The following SULT2A1 variants were observed in gnomAD, a reference collection of about 807,000 sequenced individuals.
SULT2A1 encodes sulfotransferase family 2A member 1, also known as sulfotransferase 2A1.
In SULT2A1, 43 loss-of-function variants were observed where a neutral mutation model predicts 33.9. The ratio of observed to expected loss-of-function variants is 1.27; its 90% CI spans 1.00 to 1.64. The LOEUF (loss-of-function observed/expected upper bound fraction) is 1.64, where lower values mean the gene tolerates loss of function less well. Among genes scored for constraint, SULT2A1 ranks in the 40% most tolerant of loss-of-function variants. SULT2A1 has a pLI of 0.00. For synonymous variants in SULT2A1, 125 were observed against 113.6 expected, an observed-to-expected ratio of 1.10 and a Z score of -0.64; for missense variants, 300 against 335.1, an observed-to-expected ratio of 0.90 and a Z score of 0.82.
Position 47,871,426 on chromosome 19 carries a change from T to G in SULT2A1, c.*29A>C, listed in dbSNP as rs779450275. 1 of 1,509,858 alleles carries G rather than the reference T, an allele frequency of 6.6e-7. No individual in the cohort carries two copies. Among genetic ancestry groups the G allele is most frequent in the Non-Finnish European group, 9.2e-7 (1 of 1,085,182 alleles). 93.5% of individuals were successfully genotyped at this position (1,509,858 alleles called of 1,614,324 possible). On this transcript the variant is annotated 3_prime_UTR_variant, in exon 6 of 6. Coordinates refer to ENST00000222002, the MANE Select transcript of SULT2A1 (RefSeq NM_003167.4). ...AAGGACAGGAGAATCAATGTCATTCTCCATATAAGATCCAGAGTGTTTTGG... is the reference window on the plus strand; with the variant it reads ...AAGGACAGGAGAATCAATGTCATTCGCCATATAAGATCCAGAGTGTTTTGG...
chr19:47,884,862 G>T (rs1253560169), intron 1 of SULT2A1, among the ~76,000 whole-genome samples: 1 of 139,890 alleles, frequency 7.1e-6, no homozygotes, highest in East Asian at 2.1e-4. Flanking sequence ...ACCCAGGCTG[G>T]AGTGCAGTGG....
chr19:47,871,236 C>G lies in SULT2A1; in HGVS notation c.*219G>C. 1 of 493,030 alleles carries G rather than the reference C, an allele frequency of 2.0e-6. No homozygotes were observed. The highest frequency in any genetic ancestry group is 3.1e-5 in the South Asian group (1 of 31,794). 30.5% of individuals were successfully genotyped at this position (493,030 alleles called of 1,614,324 possible). ...CAGTCTCCTGACCTCGTGATCCGCC[C>G]GTCTCGGCCTCCCATAGTGCTGGGA... On this transcript the variant is annotated 3_prime_UTR_variant, in exon 6 of 6. Transcript: ENST00000222002.
At chr19:47,872,105 A>AT (rs1422759333) in intron 5 of SULT2A1, among the ~76,000 whole-genome samples, 3 of 152,000 alleles carry the variant, frequency 2.0e-5, no homozygotes, top group African/African-American at 7.2e-5. Context: ...TTTAGTAGAG[A>AT]TGGGGTTTTG....
chr19:47,872,002 C>T (rs1968497302), intron 5 of SULT2A1, among the ~76,000 whole-genome samples: 1 of 151,992 alleles, frequency 6.6e-6, no homozygotes, highest in South Asian at 2.1e-4. Flanking sequence ...ACTGCAACCT[C>T]TGCCTCCCGA....
At chr19:47,877,984 C>T (rs571377454) in intron 4 of SULT2A1, among the ~76,000 whole-genome samples, 2 of 152,156 alleles carry the variant, frequency 1.3e-5, no homozygotes, top group Non-Finnish European at 2.9e-5. Flanking sequence ...CTGTTCATAC[C>T]AGCCAAGCTG....
In SULT2A1 at chr19:47,886,197, C is replaced by T. The variant is rs181193745; in HGVS notation, c.61G>A (p.Glu21Lys). The T allele has an allele frequency of 2.7e-5, 43 of 1,614,108 alleles. No homozygotes were observed. The highest frequency in any genetic ancestry group is 1.3e-4 in the Admixed American group (8 of 59,988). The stretch of plus-strand genomic sequence containing the variant: ...TCATCACGTACTTTTCTTAAGGTTT[C>T]GGATCTGAAACCCATAGTAGGGAAA... ...IAFPTMGFRS[E>K]TLRKVRDEFV... The change falls in exon 1 of 6, where the codon GAA (glutamate) becomes AAA (lysine). Residue 21 changes from glutamate to lysine, a missense_variant. By Grantham distance (56) the Glu-to-Lys change is moderately conservative (BLOSUM62 1). Coordinates refer to ENST00000222002, the MANE Select transcript of SULT2A1 (RefSeq NM_003167.4).
At position 47,883,748 on chromosome 19, in the gene SULT2A1, G is replaced by A; in HGVS notation, c.174C>T (p.His58=). ...NWLAEILCLM[H]SKGDAKWIQS... Reference sequence around the variant, plus strand: ...GGATCCACTTGGCATCCCCCTTGGAGTGCATCAGGCAGAGAATCTCAGCCA... The same window carrying A: ...GGATCCACTTGGCATCCCCCTTGGAATGCATCAGGCAGAGAATCTCAGCCA... Residue 58 remains histidine, a synonymous_variant, in exon 2 of 6, where the codon CAC becomes CAT. Transcript: ENST00000222002. 1 of 1,614,102 alleles carries A rather than the reference G, an allele frequency of 6.2e-7. No homozygotes were observed. The highest frequency in any genetic ancestry group is 1.1e-5 in the South Asian group (1 of 91,082).
chr19:47,873,337 T>C (rs1968510812), intron 5 of SULT2A1, among the ~76,000 whole-genome samples: 2 of 151,444 alleles, frequency 1.3e-5, no homozygotes, highest in Non-Finnish European at 2.9e-5. Flanking sequence ...ACTTGGCTAA[T>C]TTTTTGTATT....
At chr19:47,881,849 T>C (rs1217945529) in intron 3 of SULT2A1, among the ~76,000 whole-genome samples, 2 of 152,040 alleles carry the variant, frequency 1.3e-5, no homozygotes, top group South Asian at 2.1e-4. Context: ...TGTGCTAGTA[T>C]TGGAGGCTCT....
Position 47,886,310 on chromosome 19 carries a change from G to C in SULT2A1, c.-53C>G. 6.3e-7 allele frequency: 1 copy of C among 1,599,262 alleles called. No homozygotes were observed. The highest frequency in any genetic ancestry group is 8.5e-7 in the Non-Finnish European group (1 of 1,170,748). On this transcript the variant is annotated 5_prime_UTR_variant, in exon 1 of 6. Transcript: ENST00000222002. Reference sequence around the variant, plus strand: ...AGGGTTTCAACTGTAGCCACCGCTGGAGGCTGTGGCAGCTACAGGCAGATC... The same window carrying C: ...AGGGTTTCAACTGTAGCCACCGCTGCAGGCTGTGGCAGCTACAGGCAGATC...
Position 47,874,719 on chromosome 19 carries a change from A to G in SULT2A1, c.683T>C (p.Met228Thr), listed in dbSNP as rs772686936. 6.2e-7 allele frequency: 1 copy of G among 1,614,056 alleles called. No individual in the cohort carries two copies. Among genetic ancestry groups the G allele is most frequent in the Admixed American group, 1.7e-5 (1 of 59,988 alleles). Residue 228 changes from methionine (M) to threonine (T), a missense_variant, in exon 5 of 6, where the codon ATG (methionine) becomes ACG (threonine). Coordinates refer to ENST00000222002, the MANE Select transcript of SULT2A1 (RefSeq NM_003167.4). ...AACACTCAGGAGGGAATAATTGGAC[A>G]TCTTGTTTTCTTTCATGCTCTGAAA... ...SSFQSMKENK[M>T]SNYSLLSVDY... is the part of the protein sequence containing the mutation.
At chr19:47,872,389 CT>C (rs1968501327) in intron 5 of SULT2A1, among the ~76,000 whole-genome samples, 1 of 152,270 alleles carries the variant, frequency 6.6e-6, no homozygotes, top group Non-Finnish European at 1.5e-5. Context: ...CCTGTGGCTT[CT>C]CTGAGCTCAT....
intron 2 of SULT2A1, 91 bp downstream of exon 2, chr19:47,883,486 A>G: frequency 1.6e-6 from 2 of 1,272,052 alleles, no homozygotes; most frequent in South Asian, 2.6e-5. Flanking sequence ...GTTGAAGGAG[A>G]ATGCATTTCA....
chr19:47,883,561 A>T lies in SULT2A1; in HGVS notation c.345+16T>A. 1 of 1,612,490 alleles carries T rather than the reference A, an allele frequency of 6.2e-7. No individual in the cohort carries two copies. Among genetic ancestry groups the T allele is most frequent in the South Asian group, 1.1e-5 (1 of 91,026 alleles). On this transcript the variant is annotated intron_variant, in intron 2 of 5. Transcript: ENST00000222002. ...AAAGGCACTGATCAAACACGTCTTA[A>T]CCATTATGCACTGACCTTGGCCTTG... is the stretch of plus-strand genomic sequence containing the variant.
rs11083903 is a variant in SULT2A1, at chr19:47,870,946, C to T, written c.*509G>A. 516 of 147,438 alleles carry T rather than the reference C, an allele frequency of 3.5e-3. 24 individuals carry two copies. The East Asian group carries it at 0.048, about 14-fold the overall frequency. 9.1% of individuals were successfully genotyped at this position (147,438 alleles called of 1,614,324 possible). A position where few individuals can be genotyped will look rare whatever the true frequency, so the allele number is the denominator to read the frequency against. ...GCAACCTCTGCCTCCTGAGTTCAAA[C>T]GATTCTCCTACCTCAGCCTCCCGAG... On this transcript the variant is annotated 3_prime_UTR_variant, in exon 6 of 6. Coordinates refer to ENST00000222002, the MANE Select transcript of SULT2A1 (RefSeq NM_003167.4).
chr19:47,878,236 G>C (rs1336881171), intron 4 of SULT2A1, among the ~76,000 whole-genome samples: 1 of 152,202 alleles, frequency 6.6e-6, no homozygotes, highest in Non-Finnish European at 1.5e-5. Flanking sequence ...GAGTGCAGTG[G>C]TGTGATCATA....
At chr19:47,879,663 G>A (rs1968582694) in intron 3 of SULT2A1, among the ~76,000 whole-genome samples, 1 of 151,574 alleles carries the variant, frequency 6.6e-6, no homozygotes, top group African/African-American at 2.4e-5. Context: ...ATCATTCTGA[G>A]CAAACTATCG....
intron 5 of SULT2A1, among the ~76,000 whole-genome samples, chr19:47,872,703 G>A (rs2122139943): frequency 6.6e-6 from 1 of 151,802 alleles, no homozygotes; most frequent in Admixed American, 6.6e-5. Flanking sequence ...TTTCTGTGGT[G>A]TATGTGTATG....
chr19:47,886,132 G>A lies in SULT2A1; in HGVS notation c.126C>T (p.Tyr42=). Reference sequence around the variant, plus strand: ...ATTCTGCCTCCTTACCTGATTTGGGGTAAGTCAATATTATTACATCTTCAT... The same window carrying A: ...ATTCTGCCTCCTTACCTGATTTGGGATAAGTCAATATTATTACATCTTCAT... The part of the protein sequence containing the change: ...IRDEDVIILT[Y]PKSGTNWLAE... Residue 42 remains tyrosine, a synonymous_variant, in exon 1 of 6, where the codon TAC becomes TAT. Transcript: ENST00000222002. 2 of 1,613,872 alleles carry A rather than the reference G, an allele frequency of 1.2e-6. No individual in the cohort carries two copies. The highest frequency in any genetic ancestry group is 1.1e-5 in the South Asian group (1 of 91,042).
Sources: gnomAD v4.1 joint callset for allele counts (sites outside exome capture counted in the v4.1 genomes callset) on GRCh38, gnomAD v4.1.1 for gene constraint, MANE v1.5 for transcripts, NCBI Gene and HGNC (gene_info 2026-07-23, HGNC 2026-07-21) for gene names.